Variants in PCSK1 observed in about 807,000 individuals in gnomAD.
PCSK1 encodes neuroendocrine convertase 1.
A neutral mutation model predicts 90.6 loss-of-function variants in PCSK1; 56 were observed. The observed-to-expected ratio is 0.62, with a 90% CI of 0.50 to 0.77. The LOEUF is 0.77. PCSK1 is among the 30% of genes least tolerant of loss of function. The pLI is 0.00. For missense variants in PCSK1, 801 were observed against 932.6 expected (o/e 0.86, Z 1.84); for synonymous variants, 348 against 342.4 (o/e 1.02, Z -0.18).
chr5:96,425,253 T>G (rs1233926853), intron 3 of PCSK1, among the ~76,000 whole-genome samples: 1 of 152,224 alleles, frequency 6.6e-6, no homozygotes, highest in Non-Finnish European at 1.5e-5. Flanking sequence ...GAGGACACCC[T>G]GCAGGTAGAC....
intron 6 of PCSK1, among the ~76,000 whole-genome samples, chr5:96,413,961 T>C (rs899591648): frequency 7.9e-5 from 1 of 12,618 alleles, no homozygotes; most frequent in African/African-American, 4.4e-4. Flanking sequence ...CCACTAAAAA[T>C]ACAAAAAAAA....
rs1420073598 is a variant in PCSK1, at chr5:96,400,158, G to A, written c.1225C>T (p.His409Tyr). 1 of 1,613,882 alleles carries A rather than the reference G, an allele frequency of 6.2e-7. No individual in the cohort carries two copies. Among genetic ancestry groups the A allele is most frequent in the East Asian group, 2.2e-5 (1 of 44,902 alleles). Residue 409 changes from histidine to tyrosine, a missense_variant, in exon 10 of 14, where the codon CAC becomes TAC. Transcript: ENST00000311106. Reference sequence around the variant, plus strand: ...TACTCAGAGGTCCAGACAACCAGGTGCTGCATATCTCGCCAGGTGAGATTT... The same window carrying A: ...TACTCAGAGGTCCAGACAACCAGGTACTGCATATCTCGCCAGGTGAGATTT... ...NPNLTWRDMQ[H>Y]LVVWTSEYDP...
At position 96,394,846 on chromosome 5, in the gene PCSK1, G is replaced by A; in HGVS notation, c.1884+18C>T. The stretch of plus-strand genomic sequence containing the variant: ...CCCAGTTCAAAAGAGAGCATGCCAA[G>A]AACAGAGCCACACAGACCTCCCCTG... On this transcript the variant is annotated intron_variant, in intron 13 of 13. Coordinates refer to ENST00000311106, the MANE Select transcript of PCSK1 (RefSeq NM_000439.5). 1 of 1,612,992 alleles carries A rather than the reference G, an allele frequency of 6.2e-7. No individual in the cohort carries two copies. Among genetic ancestry groups the A allele is most frequent in the Non-Finnish European group, 8.5e-7 (1 of 1,179,012 alleles).
chr5:96,409,458 C>T (rs542755886), intron 8 of PCSK1, among the ~76,000 whole-genome samples: 3 of 152,254 alleles, frequency 2.0e-5, no homozygotes, highest in South Asian at 2.1e-4. Context: ...AAAAGGTTTG[C>T]GTAAGAAAAA....
At position 96,390,649 on chromosome 5, in the gene PCSK1, T is replaced by C. The variant is rs1300180618; in HGVS notation, c.*2352A>G. ...CTTTTGGTTCTTTAATATAATTTAT[T>C]ATGCTCTTTAAAATTCTGTTTGATA... is the stretch of plus-strand genomic sequence containing the variant. On this transcript the variant is annotated 3_prime_UTR_variant, in exon 14 of 14. Coordinates refer to ENST00000311106, the MANE Select transcript of PCSK1 (RefSeq NM_000439.5). 1.3e-5 allele frequency: 2 copies of C among 152,652 alleles called. No individual in the cohort carries two copies. The highest frequency in any genetic ancestry group is 1.9e-4 in the East Asian group (1 of 5,206). The allele number at this position is 152,652 out of a possible 1,614,324, so 9.5% of individuals were successfully genotyped here.
intron 6 of PCSK1, among the ~76,000 whole-genome samples, chr5:96,414,530 A>G (rs114634409): frequency 6.6e-6 from 1 of 152,202 alleles, no homozygotes; most frequent in African/African-American, 2.4e-5. Context: ...CTGACATACA[A>G]TAGGTGCCTA....
At chr5:96,410,712 C>A (rs916673931) in intron 8 of PCSK1, 62 bp downstream of exon 8, 31 of 1,317,816 alleles carry the variant, frequency 2.4e-5, no homozygotes, top group Non-Finnish European at 3.4e-5. Context: ...TTAGGGGAAT[C>A]ATTTCACATG....
chr5:96,425,067 A>AGAAAGAAAGAAAGAAG (rs1761263431), intron 3 of PCSK1, among the ~76,000 whole-genome samples: 5 of 146,984 alleles, frequency 3.4e-5, no homozygotes, highest in Admixed American at 3.4e-4. Context: ...AAAGAAAGAA[A>AGAAAGAAAGAAAGAAG]GAAAGAAAAC....
intron 11 of PCSK1, among the ~76,000 whole-genome samples, chr5:96,398,387 G>A (rs897832585): frequency 6.6e-6 from 1 of 152,128 alleles, no homozygotes; most frequent in African/African-American, 2.4e-5. Flanking sequence ...TAGTGCCCTC[G>A]CAGGAAAAAG....
chr5:96,413,226 G>A (rs1760829012), intron 6 of PCSK1, among the ~76,000 whole-genome samples: 3 of 152,168 alleles, frequency 2.0e-5, no homozygotes. Flanking sequence ...TCACCCCCAA[G>A]GGGAATCATT....
Position 96,392,044 on chromosome 5 carries a change from C to A in PCSK1, c.*957G>T, listed in dbSNP as rs1759962662. 1 of 152,062 alleles carries A rather than the reference C, an allele frequency of 6.6e-6. No homozygotes were observed. The highest frequency in any genetic ancestry group is 1.9e-4 in the East Asian group (1 of 5,188). 9.4% of individuals were successfully genotyped at this position (152,062 alleles called of 1,614,324 possible). A position where few individuals can be genotyped will look rare whatever the true frequency, so the allele number is the denominator to read the frequency against. On this transcript the variant is annotated 3_prime_UTR_variant, in exon 14 of 14. Transcript: ENST00000311106. ...GAACACAGTTGGAAAAAAACAAAAA[C>A]AAAACTTCTCTTGGTTTCTCCCTAT...
In PCSK1 at chr5:96,410,804, G is replaced by A. The variant is rs994454088; in HGVS notation, c.1065C>T (p.Tyr355=). 2.5e-6 allele frequency: 4 copies of A among 1,614,116 alleles called. No individual in the cohort carries two copies. The East Asian group carries it at 8.9e-5, about 36-fold the overall frequency. The change falls in exon 8 of 14, where the codon TAC becomes TAT. Residue 355 remains tyrosine (Y), a synonymous_variant. Transcript: ENST00000311106. ...EKCSSTLATS[Y]SSGDYTDQRI... ...TCTGGTCGGTGTAATCTCCGCTGCT[G>A]TAAGAGGTGGCCAGTGTGGAGGAGC...
chr5:96,425,510 C>T (rs78160722), intron 3 of PCSK1, among the ~76,000 whole-genome samples: 3,744 of 152,228 alleles, frequency 0.025, 150 homozygotes, highest in African/African-American at 0.086. Flanking sequence ...ATTTTTGCCA[C>T]AAGTACTGTT....
chr5:96,405,705 T>A (rs1240015411), intron 9 of PCSK1, among the ~76,000 whole-genome samples: 3 of 152,204 alleles, frequency 2.0e-5, no homozygotes, highest in Non-Finnish European at 4.4e-5. Flanking sequence ...TTATTTTCTG[T>A]ATAGGATCAT....
chr5:96,423,413 A>C lies in PCSK1; in HGVS notation c.443T>G (p.Val148Gly). 6.2e-7 allele frequency: 1 copy of C among 1,614,036 alleles called. No individual in the cohort carries two copies. The highest frequency in any genetic ancestry group is 8.5e-7 in the Non-Finnish European group (1 of 1,179,898). ...TAALPKLDLH[V>G]IPVWQKGITG... ...AATGCCTTTTTGCCAAACAGGTATC[A>C]CATGAAGGTCCAGCTTGGGCAGGGC... The change falls in exon 4 of 14, where the codon GTG becomes GGG. Residue 148 changes from valine (V) to glycine (G), a missense_variant. Transcript: ENST00000311106.
intron 4 of PCSK1, 56 bp downstream of exon 4, chr5:96,423,257 T>G: frequency 3.2e-6 from 5 of 1,540,214 alleles, no homozygotes; most frequent in Non-Finnish European, 4.4e-6. Context: ...AAGCCCTAAC[T>G]GTGTGTCTGC....
intron 5 of PCSK1, among the ~76,000 whole-genome samples, chr5:96,420,767 G>A (rs1761100259): frequency 7.1e-6 from 1 of 141,542 alleles, no homozygotes; most frequent in Admixed American, 7.0e-5. Context: ...GAGGAAGGAA[G>A]AGAGGGAGAG....
In PCSK1 at chr5:96,410,998, G is replaced by A. The variant is rs1460875792; in HGVS notation, c.883-12C>T. On this transcript the variant is annotated splice_polypyrimidine_tract_variant and intron_variant, in intron 7 of 13. Transcript: ENST00000311106. The stretch of plus-strand genomic sequence containing the variant: ...TTCCCCTGTCTCCCCTAAAGGAAAA[G>A]CCAGAATGCATATTATCTGTTATCA... 1 of 1,585,330 alleles carries A rather than the reference G, an allele frequency of 6.3e-7. No individual in the cohort carries two copies. The highest frequency in any genetic ancestry group is 1.7e-5 in the Admixed American group (1 of 59,988).
Position 96,397,324 on chromosome 5 carries a change from AT to A in PCSK1, c.1722+11del, listed in dbSNP as rs760716603. ...TAAGCTTGTGTTTTTTCATCCTCTCATTCACACTTACCATGTCTGTAATTCT... is the reference window on the plus strand; with the variant it reads ...TAAGCTTGTGTTTTTTCATCCTCTCATCACACTTACCATGTCTGTAATTCT... On this transcript the variant is annotated intron_variant, in intron 12 of 13. Transcript: ENST00000311106. 5 of 1,611,662 alleles carry A rather than the reference AT, an allele frequency of 3.1e-6. No individual in the cohort carries two copies. In the South Asian group the frequency reaches 5.5e-5, roughly 18 times the overall value.
Sources: allele counts gnomAD v4.1 joint callset (sites outside exome capture counted in the v4.1 genomes callset), GRCh38; gene constraint gnomAD v4.1.1; transcripts MANE v1.5; gene names NCBI Gene and HGNC (gene_info 2026-07-23, HGNC 2026-07-21).